DEPDC4: variants seen among roughly 807,000 people sequenced by gnomAD.
The protein encoded by DEPDC4 is DEP domain containing 4, also known as DEP domain-containing protein 4.
In DEPDC4, 52 loss-of-function variants were observed where a neutral mutation model predicts 52.0. The ratio of observed to expected loss-of-function variants is 1.00; its 90% CI spans 0.80 to 1.26. DEPDC4 has a LOEUF of 1.26. DEPDC4 is among the 50% of genes most tolerant of loss of function. The pLI, the probability that DEPDC4 is intolerant of heterozygous loss-of-function variation, is 0.00. For missense variants in DEPDC4, 530 were observed against 546.9 expected (o/e 0.97, Z 0.31); for synonymous variants, 201 against 196.8 (o/e 1.02, Z -0.18).
chr12:100,275,012 T>C, the DEPDC4 span, among the ~76,000 whole-genome samples: 1 of 152,196 alleles, frequency 6.6e-6, no homozygotes, highest in African/African-American at 2.4e-5. Context: ...TATTGAATCT[T>C]CCAATTCATG....
intron 9 of DEPDC4, among the ~76,000 whole-genome samples, chr12:100,232,955 T>C (rs1236696491): frequency 3.3e-5 from 5 of 152,130 alleles, no homozygotes; most frequent in Non-Finnish European, 7.4e-5. Flanking sequence ...AGGATAGCAC[T>C]TATTAAAATA....
chr12:100,242,135 G>C (rs950943656), intron 9 of DEPDC4, among the ~76,000 whole-genome samples: 1 of 152,068 alleles, frequency 6.6e-6, no homozygotes, highest in Non-Finnish European at 1.5e-5. Flanking sequence ...TAAGTTAAAG[G>C]CATGTTCAAA....
chr12:100,258,361 G>A (rs561866964), intron 3 of DEPDC4, among the ~76,000 whole-genome samples: 2 of 152,094 alleles, frequency 1.3e-5, no homozygotes, highest in South Asian at 4.2e-4. Flanking sequence ...AGTTAAGAAG[G>A]TCCAATATCT....
chr12:100,256,788 C>T (rs1240837753), intron 3 of DEPDC4, among the ~76,000 whole-genome samples: 2 of 150,828 alleles, frequency 1.3e-5, no homozygotes, highest in Admixed American at 6.6e-5. Context: ...ACTACAGGCG[C>T]CCACCACCAT....
chr12:100,238,832 C>T (rs1349008660), downstream of DEPDC4, among the ~76,000 whole-genome samples: 3 of 152,046 alleles, frequency 2.0e-5, no homozygotes, highest in Non-Finnish European at 4.4e-5. Context: ...ATAGTTTATC[C>T]ATAAGGTAAA....
chr12:100,252,598 T>A, intron 5 of DEPDC4, 62 bp from the exon 6 acceptor site: 1 of 1,459,236 alleles, frequency 6.9e-7, no homozygotes, highest in Non-Finnish European at 9.2e-7. Context: ...ATAGTAAGTA[T>A]TTACTTAGTA....
At chr12:100,256,284 C>T (rs1592893607) in intron 3 of DEPDC4, 58 bp from the exon 4 acceptor site, 1 of 1,270,068 alleles carries the variant, frequency 7.9e-7, no homozygotes. Flanking sequence ...ACACATTCAA[C>T]CAATATTATA....
At chr12:100,258,201 A>C (rs192603497) in intron 3 of DEPDC4, among the ~76,000 whole-genome samples, 4 of 152,338 alleles carry the variant, frequency 2.6e-5, no homozygotes, top group Admixed American at 2.6e-4. Context: ...TTGAGGAAAA[A>C]GTAAAAAAAG....
At chr12:100,242,909 G>T (rs766814868) in intron 8 of DEPDC4, among the ~76,000 whole-genome samples, 1 of 152,088 alleles carries the variant, frequency 6.6e-6, no homozygotes, top group Non-Finnish European at 1.5e-5. Context: ...CTAATCTACT[G>T]TGTCCACTCC....
At chr12:100,257,999 AG>A (rs1171790188) in intron 3 of DEPDC4, among the ~76,000 whole-genome samples, 7 of 151,792 alleles carry the variant, frequency 4.6e-5, no homozygotes, top group Non-Finnish European at 8.8e-5. Context: ...ATAGATAGAT[AG>A]ATAGATAGAT....
chr12:100,235,572 ATT>A (rs2096140153), downstream of DEPDC4, among the ~76,000 whole-genome samples: 2 of 147,492 alleles, frequency 1.4e-5, no homozygotes. Context: ...CCACTGTATC[ATT>A]CTTTTTTTTT....
chr12:100,252,857 A>G (rs1215188250), intron 5 of DEPDC4, among the ~76,000 whole-genome samples: 4 of 152,234 alleles, frequency 2.6e-5, no homozygotes, highest in South Asian at 2.1e-4. Context: ...CATCAAATTA[A>G]TAACTCAGAA....
At chr12:100,252,627 ATGT>A (rs2096213075) in intron 5 of DEPDC4, 91 bp from the exon 6 acceptor site, 1 of 1,269,636 alleles carries the variant, frequency 7.9e-7, no homozygotes, top group Middle Eastern at 2.8e-4. Flanking sequence ...AAATGCTACA[ATGT>A]TGTATTAGTT....
chr12:100,253,300 T>C (rs2096216670), intron 5 of DEPDC4, among the ~76,000 whole-genome samples, 189 bp downstream of exon 5: 1 of 148,698 alleles, frequency 6.7e-6, no homozygotes, highest in African/African-American at 2.6e-5. Context: ...TTAGTTACAT[T>C]TGATAATATA....
At chr12:100,275,348 T>A in the DEPDC4 span, among the ~76,000 whole-genome samples, 2 of 152,036 alleles carry the variant, frequency 1.3e-5, no homozygotes, top group Non-Finnish European at 2.9e-5. Flanking sequence ...ACTGCAGACA[T>A]GTGCTACTGC....
At chr12:100,244,856 T>A (rs1179934675) in intron 8 of DEPDC4, among the ~76,000 whole-genome samples, 3 of 150,748 alleles carry the variant, frequency 2.0e-5, no homozygotes, top group Non-Finnish European at 4.4e-5. Flanking sequence ...GTCCCATGCT[T>A]ATTTTATTTA....
intron 8 of DEPDC4, among the ~76,000 whole-genome samples, chr12:100,243,194 T>C (rs1163677942): frequency 6.6e-6 from 1 of 152,096 alleles, no homozygotes; most frequent in Non-Finnish European, 1.5e-5. Context: ...CATACTCACC[T>C]ATTTTCTAAC....
chr12:100,263,798 G>A lies in DEPDC4; in HGVS notation c.253C>T (p.Gln85Ter). 1 of 1,614,178 alleles carries A rather than the reference G, an allele frequency of 6.2e-7. No homozygotes were observed. The highest frequency in any genetic ancestry group is 1.1e-5 in the South Asian group (1 of 91,086). Residue 85 changes from glutamine (Q) to a stop codon, truncating the protein, a stop_gained, in exon 2 of 10, where the codon CAG becomes TAG. Transcript: ENST00000550587. LOFTEE classifies it high-confidence loss of function. ...CCAGTGAAACAGTCTTTGTATGTCTGTAAATGATGCCTCCTTCTTTTTATT... is the reference window on the plus strand; with the variant it reads ...CCAGTGAAACAGTCTTTGTATGTCTATAAATGATGCCTCCTTCTTTTTATT... ...VEIKRRRHHL[Q>*]TYKDCFTGSD...
chr12:100,262,441 T>C, intron 2 of DEPDC4, 32 bp from the exon 3 acceptor site: 1 of 1,521,888 alleles, frequency 6.6e-7, no homozygotes, highest in Non-Finnish European at 8.7e-7. Context: ...CTCTTTTCAT[T>C]ATACACAGAA....
Sources: allele counts gnomAD v4.1 joint callset (sites outside exome capture counted in the v4.1 genomes callset), GRCh38; gene constraint gnomAD v4.1.1; transcripts MANE v1.5; gene names NCBI Gene and HGNC (gene_info 2026-07-23, HGNC 2026-07-21).